The following CAPN2 variants were observed in gnomAD, a reference collection of about 807,000 sequenced individuals.
CAPN2 encodes calpain-2 catalytic subunit.
Under a neutral mutation model 102.3 loss-of-function variants are expected in CAPN2, and 92 were observed. The ratio of observed to expected loss-of-function variants is 0.90; its 90% CI spans 0.76 to 1.07. CAPN2 has a LOEUF of 1.07. CAPN2 is among the 50% of genes least tolerant of loss of function. The pLI, the probability that CAPN2 is intolerant of heterozygous loss-of-function variation, is 0.00. For missense variants in CAPN2, 800 were observed against 909.4 expected, an observed-to-expected ratio of 0.88 and a Z score of 1.55; for synonymous variants, 340 against 355.4, an observed-to-expected ratio of 0.96 and a Z score of 0.49.
At chr1:223,702,105 A>AGAAGGAAGGAAAGAAG (rs1553343528) in intron 1 of CAPN2, among the ~76,000 whole-genome samples, 1 of 84,604 alleles carries the variant, frequency 1.2e-5, no homozygotes, top group Admixed American at 1.4e-4. Context: ...AAAGAAGGAA[A>AGAAGGAAGGAAAGAAG]GAAGGAAGGA....
chr1:223,707,871 T>C (rs1446172605), upstream of CAPN2, among the ~76,000 whole-genome samples: 2 of 152,202 alleles, frequency 1.3e-5, no homozygotes, highest in African/African-American at 4.8e-5. Flanking sequence ...TCCACCTGCC[T>C]GGGAGGAGTC....
chr1:223,711,526 T>C (rs1659727246), upstream of CAPN2, among the ~76,000 whole-genome samples: 1 of 152,268 alleles, frequency 6.6e-6, no homozygotes, highest in Non-Finnish European at 1.5e-5. Flanking sequence ...ATTTGGGCCC[T>C]ACATATACTT....
At chr1:223,748,731 G>T (rs1660812930) in intron 5 of CAPN2, among the ~76,000 whole-genome samples, 1 of 151,640 alleles carries the variant, frequency 6.6e-6, no homozygotes, top group South Asian at 2.1e-4. Context: ...TCGGCCGTGC[G>T]CCCTTTCCCG....
chr1:223,751,866 G>C, intron 7 of CAPN2, 131 bp from the exon 8 acceptor site: 1 of 661,168 alleles, frequency 1.5e-6, no homozygotes, highest in South Asian at 1.9e-5. Context: ...TTAGCCAGAT[G>C]TGGGCTACTT....
chr1:223,743,414 G>A (rs977473695), intron 2 of CAPN2, among the ~76,000 whole-genome samples: 4 of 152,076 alleles, frequency 2.6e-5, no homozygotes, highest in African/African-American at 9.7e-5. Flanking sequence ...CTTCCTCCTA[G>A]GAGGCGTGCA....
chr1:223,722,505 G>A (rs1660079302), intron 2 of CAPN2, among the ~76,000 whole-genome samples: 1 of 151,300 alleles, frequency 6.6e-6, no homozygotes, highest in African/African-American at 2.4e-5. Flanking sequence ...TGCCCAGGCT[G>A]GTCTCAAGTT....
upstream of CAPN2, among the ~76,000 whole-genome samples, chr1:223,711,700 T>A (rs1414337827): frequency 2.0e-5 from 3 of 152,242 alleles, no homozygotes; most frequent in Non-Finnish European, 1.5e-5. Flanking sequence ...AACTTCTCCC[T>A]CCTGGGTTCA....
At chr1:223,717,892 AT>A in intron 2 of CAPN2, 61 bp downstream of exon 2, 1 of 1,275,710 alleles carries the variant, frequency 7.8e-7, no homozygotes, top group Non-Finnish European at 1.1e-6. Context: ...GGTGGAAGAG[AT>A]GAGGGACAAC....
intron 5 of CAPN2, among the ~76,000 whole-genome samples, chr1:223,748,779 C>T (rs1307408554): frequency 6.6e-6 from 1 of 152,234 alleles, no homozygotes; most frequent in Non-Finnish European, 1.5e-5. Context: ...ATGCGCTATT[C>T]ACACGGGAAT....
intron 15 of CAPN2, 73 bp downstream of exon 15, chr1:223,764,280 C>T (rs988507483): frequency 1.1e-5 from 14 of 1,324,796 alleles, no homozygotes; most frequent in Non-Finnish European, 1.5e-5. Context: ...GGAAATCTTT[C>T]CCCCTCCATG....
intron 14 of CAPN2, among the ~76,000 whole-genome samples, chr1:223,763,351 C>T (rs781220223): frequency 6.6e-6 from 1 of 152,236 alleles, no homozygotes; most frequent in South Asian, 2.1e-4. Context: ...GCCTCTCACC[C>T]TCTGCTCCCT....
chr1:223,742,412 G>T (rs968817387), intron 2 of CAPN2, among the ~76,000 whole-genome samples: 1 of 148,108 alleles, frequency 6.8e-6, no homozygotes, highest in Non-Finnish European at 1.5e-5. Flanking sequence ...CAAAACCAAA[G>T]AATTCAGTGA....
chr1:223,738,969 G>A (rs1045997142), intron 2 of CAPN2, among the ~76,000 whole-genome samples: 4 of 152,128 alleles, frequency 2.6e-5, no homozygotes, highest in Non-Finnish European at 4.4e-5. Context: ...ATAGGCCCTG[G>A]GCCCCCGGTG....
In CAPN2 at chr1:223,774,967, C is replaced by A; in HGVS notation, c.*110C>A. 1 of 884,214 alleles carries A rather than the reference C, an allele frequency of 1.1e-6. No homozygotes were observed. The highest frequency in any genetic ancestry group is 1.9e-6 in the Non-Finnish European group (1 of 540,090). 54.8% of individuals were successfully genotyped at this position (884,214 alleles called of 1,614,324 possible). On this transcript the variant is annotated 3_prime_UTR_variant, in exon 21 of 21. Transcript: ENST00000295006. ...GACCTCAAAATTATGGGAACATTTACTTAAACGGATGATCATAGCTGAAAA... is the reference window on the plus strand; with the variant it reads ...GACCTCAAAATTATGGGAACATTTAATTAAACGGATGATCATAGCTGAAAA...
chr1:223,724,373 C>T lies in CAPN2; in HGVS notation c.307+6542C>T, dbSNP rs142752202. 3.3e-3 allele frequency among the ~76,000 whole-genome samples: 507 copies of T among 152,196 alleles called. 15 individuals carry two copies. The East Asian group carries it at 0.081, about 24-fold the overall frequency. On this transcript the variant is annotated intron_variant, in intron 2 of 20. Coordinates refer to ENST00000295006, the MANE Select transcript of CAPN2 (RefSeq NM_001748.5). ...GGAGGTGGCCTGGCCAGCAGGTGTG[C>T]AGTGAGGCCACTTCTAGACCACCCC...
At position 223,759,151 on chromosome 1, in the gene CAPN2, C is replaced by A; in HGVS notation, c.1318-119C>A. Reference sequence around the variant, plus strand: ...ACGCCTGGCCTCGCCTCCTTATACACCAGGACAGCAGGACTGAGCCACCAC... The same window carrying A: ...ACGCCTGGCCTCGCCTCCTTATACAACAGGACAGCAGGACTGAGCCACCAC... On this transcript the variant is annotated intron_variant, in intron 11 of 20. Coordinates refer to ENST00000295006, the MANE Select transcript of CAPN2 (RefSeq NM_001748.5). This position sits in a 1 kb window ranked among gnomAD's most constrained non-coding sequence, Gnocchi z 4.6. 1 of 939,744 alleles carries A rather than the reference C, an allele frequency of 1.1e-6. No homozygotes were observed. 58.2% of individuals were successfully genotyped at this position (939,744 alleles called of 1,614,324 possible). A position where few individuals can be genotyped will look rare whatever the true frequency, so the allele number is the denominator to read the frequency against.
At chr1:223,730,342 T>G (rs1377780573) in intron 2 of CAPN2, among the ~76,000 whole-genome samples, 3 of 151,318 alleles carry the variant, frequency 2.0e-5, no homozygotes, top group Admixed American at 6.6e-5. Context: ...TTATGAGATT[T>G]TTTTTTTTTT....
chr1:223,755,686 T>C lies in CAPN2; in HGVS notation c.1305+37T>C. 1 of 1,520,402 alleles carries C rather than the reference T, an allele frequency of 6.6e-7. No homozygotes were observed. Among genetic ancestry groups the C allele is most frequent in the Non-Finnish European group, 8.8e-7 (1 of 1,131,876 alleles). 94.2% of individuals were successfully genotyped at this position (1,520,402 alleles called of 1,614,324 possible). ...AGGGGCTCCTGCCCTCCCTTCCCCA[T>C]GTGTTCATCTCAGCCCCTGCATGGA... On this transcript the variant is annotated intron_variant, in intron 10 of 20. Coordinates refer to ENST00000295006, the MANE Select transcript of CAPN2 (RefSeq NM_001748.5). The surrounding 1 kb of genome is among the most constrained non-coding windows in gnomAD (Gnocchi z 4.1).
intron 16 of CAPN2, 65 bp from the exon 17 acceptor site, chr1:223,769,776 G>T: frequency 8.1e-7 from 1 of 1,228,772 alleles, no homozygotes; most frequent in South Asian, 1.3e-5. Context: ...CAGTTGAGAA[G>T]ACAAACTAGG....
Sources: allele counts gnomAD v4.1 joint callset (sites outside exome capture counted in the v4.1 genomes callset), GRCh38; gene constraint gnomAD v4.1.1; non-coding constraint Gnocchi (gnomAD v3.1); transcripts MANE v1.5; gene names NCBI Gene and HGNC (gene_info 2026-07-23, HGNC 2026-07-21).